LRRIQ3: variants seen among roughly 807,000 people sequenced by gnomAD.
LRRIQ3 encodes leucine rich repeats and IQ motif containing 3, also known as leucine-rich repeat and IQ domain-containing protein 3.
LRRIQ3 carries 75 observed loss-of-function variants against 59.3 expected under a neutral mutation model. That is an observed-to-expected ratio of 1.26 (90% CI 1.05 to 1.53). The LOEUF is 1.53. Among genes scored for constraint, LRRIQ3 ranks in the 40% most tolerant of loss-of-function variants. LRRIQ3 has a pLI of 0.00. For synonymous variants in LRRIQ3, 250 were observed against 231.3 expected, an observed-to-expected ratio of 1.08 and a Z score of -0.73; for missense variants, 831 against 710.0, an observed-to-expected ratio of 1.17 and a Z score of -1.94.
intron 5 of LRRIQ3, among the ~76,000 whole-genome samples, chr1:74,100,339 C>A (rs1004219962): frequency 2.6e-5 from 4 of 152,082 alleles, no homozygotes; most frequent in African/African-American, 9.7e-5. Flanking sequence ...ACCTAAGAAT[C>A]CAACTTACAA....
chr1:74,147,567 A>G (rs560320591), intron 4 of LRRIQ3, among the ~76,000 whole-genome samples: 2 of 152,314 alleles, frequency 1.3e-5, no homozygotes, highest in South Asian at 4.1e-4. Context: ...TGTCCATAAA[A>G]TAAAGTGAAA....
chr1:74,127,487 T>A (rs1483269522), intron 4 of LRRIQ3, among the ~76,000 whole-genome samples: 2 of 151,952 alleles, frequency 1.3e-5, no homozygotes, highest in African/African-American at 2.4e-5. Context: ...GTATCTGCTG[T>A]ATTTTTTTTA....
chr1:74,050,493 G>A (rs1346575831), intron 6 of LRRIQ3: 2 of 983,912 alleles, frequency 2.0e-6, no homozygotes, highest in African/African-American at 3.5e-5. Flanking sequence ...AGGACTCAGA[G>A]CAACACAGAA....
chr1:74,145,600 C>T (rs557418677), intron 4 of LRRIQ3, among the ~76,000 whole-genome samples: 40 of 152,160 alleles, frequency 2.6e-4, no homozygotes, highest in African/African-American at 8.7e-4. Flanking sequence ...TCATTAACTA[C>T]TCATCAACAA....
At chr1:74,144,980 T>C (rs1466882828) in intron 4 of LRRIQ3, among the ~76,000 whole-genome samples, 2 of 152,058 alleles carry the variant, frequency 1.3e-5, no homozygotes, top group African/African-American at 2.4e-5. Flanking sequence ...AGAAATATTA[T>C]AGAGACCCCA....
At chr1:74,053,094 T>C (rs1654416040) in intron 6 of LRRIQ3, among the ~76,000 whole-genome samples, 1 of 151,408 alleles carries the variant, frequency 6.6e-6, no homozygotes, top group Non-Finnish European at 1.5e-5. Context: ...TCAACTTATC[T>C]TTAACAAAAG....
intron 5 of LRRIQ3, among the ~76,000 whole-genome samples, chr1:74,100,165 C>G (rs1455142400): frequency 6.6e-6 from 1 of 152,184 alleles, no homozygotes; most frequent in Non-Finnish European, 1.5e-5. Context: ...ACCCCATCGT[C>G]TCAGCCCCAA....
At position 74,041,408 on chromosome 1, in the gene LRRIQ3, T is replaced by C. The variant is rs1473259004; in HGVS notation, c.1523A>G (p.Lys508Arg). 6.2e-7 allele frequency: 1 copy of C among 1,613,862 alleles called. No homozygotes were observed. Among genetic ancestry groups the C allele is most frequent in the East Asian group, 2.2e-5 (1 of 44,854 alleles). Residue 508 changes from lysine (K) to arginine (R), a missense_variant, in exon 7 of 8, where the codon AAA becomes AGA. Physicochemically the swap from Lys to Arg is conservative, Grantham distance 26. Coordinates refer to ENST00000354431, the MANE Select transcript of LRRIQ3 (RefSeq NM_001105659.2). Reference sequence around the variant, plus strand: ...TAAACGCTCTGAAGCCTTTTGGGATTTTTCTTTTAGAAACAGAGCTTTTCT... The same window carrying C: ...TAAACGCTCTGAAGCCTTTTGGGATCTTTCTTTTAGAAACAGAGCTTTTCT... ...RERKALFLKE[K>R]SQKASERLLV... is the part of the protein sequence containing the mutation.
rs752476802 is a variant in LRRIQ3, at chr1:74,182,653, G to C, written c.458C>G (p.Ala153Gly). 6 of 1,611,310 alleles carry C rather than the reference G, an allele frequency of 3.7e-6. No homozygotes were observed. The South Asian group carries it at 4.4e-5, about 12-fold the overall frequency. ...ATCAGAAATCACATGATGATCCAGC[G>C]CTTTGAGAGGCCATATACTGTTAAC... The part of the protein sequence containing the change: ...VLVNSIWPLK[A>G]LDHHVISDEE... Residue 153 changes from alanine (A) to glycine (G), a missense_variant, in exon 3 of 8, where the codon GCG (alanine) becomes GGG (glycine). Physicochemically the swap from Ala to Gly is moderately conservative, Grantham distance 60. Coordinates refer to ENST00000354431, the MANE Select transcript of LRRIQ3 (RefSeq NM_001105659.2).
At chr1:74,108,193 C>T (rs1468813095) in intron 5 of LRRIQ3, among the ~76,000 whole-genome samples, 1 of 151,760 alleles carries the variant, frequency 6.6e-6, no homozygotes, top group Non-Finnish European at 1.5e-5. Flanking sequence ...TATCAGTATA[C>T]TGATATCATA....
At chr1:74,102,223 C>T (rs952540436) in intron 5 of LRRIQ3, among the ~76,000 whole-genome samples, 5 of 151,804 alleles carry the variant, frequency 3.3e-5, no homozygotes, top group Admixed American at 6.6e-5. Context: ...CCAAATTATT[C>T]GATACTGATA....
At chr1:74,132,596 C>T (rs1647044332) in intron 4 of LRRIQ3, among the ~76,000 whole-genome samples, 1 of 151,944 alleles carries the variant, frequency 6.6e-6, no homozygotes, top group South Asian at 2.1e-4. Context: ...ACAAACCTGA[C>T]AAAAACAAGA....
intron 6 of LRRIQ3, among the ~76,000 whole-genome samples, chr1:74,055,170 CATAT>C (rs1381011736): frequency 8.4e-6 from 1 of 119,164 alleles, no homozygotes; most frequent in Non-Finnish European, 1.7e-5. Context: ...CACATACATA[CATAT>C]ACACTTTATA....
intron 4 of LRRIQ3, among the ~76,000 whole-genome samples, chr1:74,133,483 C>T (rs1011142197): frequency 4.6e-5 from 7 of 151,966 alleles, no homozygotes; most frequent in Non-Finnish European, 1.0e-4. Context: ...CAATGATAGA[C>T]TGGATTAAGA....
intron 6 of LRRIQ3, among the ~76,000 whole-genome samples, chr1:74,052,137 T>C (rs1473892821): frequency 6.6e-6 from 1 of 152,154 alleles, no homozygotes; most frequent in Non-Finnish European, 1.5e-5. Flanking sequence ...TCTAAATTTC[T>C]CTACTTGATA....
At chr1:74,067,855 A>G (rs912159547) in intron 6 of LRRIQ3, among the ~76,000 whole-genome samples, 1 of 152,094 alleles carries the variant, frequency 6.6e-6, no homozygotes, top group African/African-American at 2.4e-5. Context: ...TTAGAAGCAG[A>G]CAGCTTTCCA....
At chr1:74,101,217 A>T (rs961616484) in intron 5 of LRRIQ3, among the ~76,000 whole-genome samples, 14 of 152,320 alleles carry the variant, frequency 9.2e-5, no homozygotes, top group African/African-American at 3.4e-4. Context: ...TACAAGAAAA[A>T]AACAAACAAC....
At chr1:74,046,443 C>T (rs1654205955) in intron 6 of LRRIQ3, among the ~76,000 whole-genome samples, 1 of 152,100 alleles carries the variant, frequency 6.6e-6, no homozygotes, top group Non-Finnish European at 1.5e-5. Context: ...ACACCTTATA[C>T]AAAAATTAAC....
At chr1:74,036,435 A>C (rs1452791401) in intron 7 of LRRIQ3, among the ~76,000 whole-genome samples, 2 of 152,122 alleles carry the variant, frequency 1.3e-5, no homozygotes, top group African/African-American at 4.8e-5. Flanking sequence ...TTCTTCATCA[A>C]ATCTAAGCAT....
Sources: gnomAD v4.1 joint callset for allele counts (sites outside exome capture counted in the v4.1 genomes callset) on GRCh38, gnomAD v4.1.1 for gene constraint, MANE v1.5 for transcripts, NCBI Gene and HGNC (gene_info 2026-07-23, HGNC 2026-07-21) for gene names.